Variants in GSG1L observed in about 807,000 individuals in gnomAD.
GSG1L encodes GSG1 like.
GSG1L carries 24 observed loss-of-function variants against 42.1 expected under a neutral mutation model. The ratio of observed to expected loss-of-function variants is 0.57; its 90% CI spans 0.41 to 0.80. The LOEUF (loss-of-function observed/expected upper bound fraction) is 0.80. Ranked by LOEUF, GSG1L falls within the 30% of genes least tolerant of loss-of-function variation. The probability of loss-of-function intolerance (pLI) is 0.00; values close to 1 mark genes in which losing one functional copy is unlikely to be tolerated. For synonymous variants in GSG1L, 215 were observed against 203.5 expected (o/e 1.06, Z -0.48); for missense variants, 445 against 472.2 (o/e 0.94, Z 0.53).
chr16:27,932,716 G>A (rs2084670320), intron 2 of GSG1L, among the ~76,000 whole-genome samples: 1 of 152,080 alleles, frequency 6.6e-6, no homozygotes, highest in African/African-American at 2.4e-5. Flanking sequence ...CTAACTTTGG[G>A]CCTGAACATG....
chr16:27,791,531 A>C lies in GSG1L; in HGVS notation c.899-64T>G, dbSNP rs889044338. On this transcript the variant is annotated intron_variant, in intron 6 of 6. Coordinates refer to ENST00000447459, the MANE Select transcript of GSG1L (RefSeq NM_001109763.2). ...TCCTCCACCCACATCCTGTCTACCC[A>C]CCGCCCCCCACCCACACATCCATCA... 35 of 1,048,860 alleles carry C rather than the reference A, an allele frequency of 3.3e-5. No homozygotes were observed. In the East Asian group the frequency reaches 9.1e-4, roughly 27 times the overall value. The allele number at this position is 1,048,860 out of a possible 1,614,324, so 65.0% of individuals were successfully genotyped here.
intron 2 of GSG1L, among the ~76,000 whole-genome samples, chr16:27,914,161 C>A (rs2084423596): frequency 6.6e-6 from 1 of 151,362 alleles, no homozygotes; most frequent in Non-Finnish European, 1.5e-5. Context: ...AATTAGTATC[C>A]TTGTACACAT....
intron 1 of GSG1L, among the ~76,000 whole-genome samples, chr16:28,020,294 A>G (rs573117897): frequency 6.6e-6 from 1 of 152,286 alleles, no homozygotes; most frequent in South Asian, 2.1e-4. Flanking sequence ...AAGCGCTGCT[A>G]TTCATGATCA....
intron 1 of GSG1L, among the ~76,000 whole-genome samples, chr16:27,998,673 G>C (rs1224113998): frequency 2.0e-5 from 3 of 152,102 alleles, no homozygotes; most frequent in Non-Finnish European, 2.9e-5. Context: ...TCTAGTCCCA[G>C]CTACCCGGGA....
chr16:28,052,860 G>C (rs1319633981), intron 1 of GSG1L, among the ~76,000 whole-genome samples: 1 of 152,260 alleles, frequency 6.6e-6, no homozygotes, highest in Non-Finnish European at 1.5e-5. Context: ...ACCAAGCGGA[G>C]ACAGTGACTC....
intron 6 of GSG1L, among the ~76,000 whole-genome samples, chr16:27,794,922 A>G (rs755298): frequency 0.17 from 26,532 of 151,790 alleles, 2,376 homozygotes; most frequent in African/African-American, 0.23. Flanking sequence ...AGCATTCCAT[A>G]GCCCTGTAGA....
rs554650764 is a variant in GSG1L, at chr16:28,005,924, G to A, written c.350-42721C>T. Among the ~76,000 whole-genome samples, 5 of 152,312 alleles carry A rather than the reference G, an allele frequency of 3.3e-5. No homozygotes were observed. In the East Asian group the frequency reaches 9.6e-4, roughly 29 times the overall value. ...ACAAAACAGAAGGGACTTTGCAGGT[G>A]TAATTAAGGTTGTAGCCCCTGAAAT... On this transcript the variant is annotated intron_variant, in intron 1 of 6. Transcript: ENST00000447459.
intron 3 of GSG1L, among the ~76,000 whole-genome samples, chr16:27,845,418 A>G (rs2083432228): frequency 6.6e-6 from 1 of 152,116 alleles, no homozygotes; most frequent in South Asian, 2.1e-4. Flanking sequence ...TCATTTTTGT[A>G]GAAATGAGCG....
At chr16:27,823,517 G>C (rs372228391) in intron 5 of GSG1L, among the ~76,000 whole-genome samples, 2 of 152,056 alleles carry the variant, frequency 1.3e-5, no homozygotes, top group Non-Finnish European at 2.9e-5. Flanking sequence ...ATCAGCCCCC[G>C]CAGGGCACTA....
chr16:28,011,586 T>G (rs2085718859), intron 1 of GSG1L, among the ~76,000 whole-genome samples: 1 of 152,156 alleles, frequency 6.6e-6, no homozygotes, highest in Admixed American at 6.5e-5. Flanking sequence ...GAACCCTGGT[T>G]TTTGGGTGGA....
At chr16:27,809,108 C>T (rs943712559) in intron 5 of GSG1L, among the ~76,000 whole-genome samples, 1 of 152,182 alleles carries the variant, frequency 6.6e-6, no homozygotes, top group African/African-American at 2.4e-5. Context: ...AAGAACAACT[C>T]CAGGCTAGGC....
chr16:27,956,473 T>C (rs2085006187), intron 2 of GSG1L, among the ~76,000 whole-genome samples: 1 of 152,200 alleles, frequency 6.6e-6, no homozygotes, highest in Non-Finnish European at 1.5e-5. Context: ...ACTTAAATTA[T>C]TGATCAGCAA....
chr16:28,001,127 T>C (rs940722675), intron 1 of GSG1L, among the ~76,000 whole-genome samples: 3 of 152,178 alleles, frequency 2.0e-5, no homozygotes, highest in Non-Finnish European at 4.4e-5. Context: ...TTTGCTGAAC[T>C]CCCATCCCTC....
intron 2 of GSG1L, among the ~76,000 whole-genome samples, chr16:27,917,547 T>C (rs959729386): frequency 5.3e-5 from 8 of 152,204 alleles, no homozygotes; most frequent in Admixed American, 3.3e-4. Context: ...ACCCAGAGCA[T>C]AGGAGGCCTT....
At chr16:28,016,494 T>G (rs910358534) in intron 1 of GSG1L, among the ~76,000 whole-genome samples, 6 of 152,164 alleles carry the variant, frequency 3.9e-5, no homozygotes, top group Non-Finnish European at 4.4e-5. Context: ...AGTTTGGAGC[T>G]TAGTGCAATC....
rs552679513 is a variant in GSG1L, at chr16:27,905,279, C to T, written c.398-20641G>A. Among the ~76,000 whole-genome samples the T allele has an allele frequency of 4.6e-5, 7 of 152,164 alleles. No individual in the cohort carries two copies. The South Asian group carries it at 1.2e-3, about 27-fold the overall frequency. ...AACTTCTACTGAGCACTTGGCTGGA[C>T]CACACAAAGGGGAAAATGCTATTCC... On this transcript the variant is annotated intron_variant, in intron 2 of 6. Coordinates refer to ENST00000447459, the MANE Select transcript of GSG1L (RefSeq NM_001109763.2).
chr16:27,861,166 G>A (rs1180479313), intron 3 of GSG1L, among the ~76,000 whole-genome samples: 5 of 152,126 alleles, frequency 3.3e-5, no homozygotes, highest in Non-Finnish European at 2.9e-5. Context: ...TCAGGAGTTC[G>A]AGACCAGCCT....
intron 4 of GSG1L, among the ~76,000 whole-genome samples, chr16:27,842,176 G>A (rs760443250): frequency 1.3e-5 from 2 of 149,838 alleles, no homozygotes; most frequent in African/African-American, 2.4e-5. Context: ...GCACGATGTC[G>A]CGCGTGCCGA....
intron 1 of GSG1L, among the ~76,000 whole-genome samples, chr16:27,974,866 C>T (rs998341516): frequency 6.6e-6 from 1 of 152,062 alleles, no homozygotes; most frequent in African/African-American, 2.4e-5. Flanking sequence ...ATGGTACCTC[C>T]GAGGGGCTCA....
Sources: gnomAD v4.1 joint callset for allele counts (sites outside exome capture counted in the v4.1 genomes callset) on GRCh38, gnomAD v4.1.1 for gene constraint, MANE v1.5 for transcripts, NCBI Gene and HGNC (gene_info 2026-07-23, HGNC 2026-07-21) for gene names.